Variants in ROR1 observed in about 807,000 individuals in gnomAD.
The protein encoded by ROR1 is inactive tyrosine-protein kinase transmembrane receptor ROR1.
In ROR1, 19 loss-of-function variants were observed where a neutral mutation model predicts 78.8. The observed-to-expected ratio is 0.24, with a 90% CI of 0.17 to 0.35. The LOEUF (loss-of-function observed/expected upper bound fraction) is 0.35. Among genes scored for constraint, ROR1 ranks in the 10% least tolerant of loss-of-function variants. The pLI is 1.00. For synonymous variants in ROR1, 386 were observed against 433.6 expected, an observed-to-expected ratio of 0.89 and a Z score of 1.36; for missense variants, 917 against 1,177.8, an observed-to-expected ratio of 0.78 and a Z score of 3.24.
In ROR1 at chr1:64,180,116, C is replaced by T. The variant is rs181868553; in HGVS notation, c.*1261C>T. On this transcript the variant is annotated 3_prime_UTR_variant, in exon 9 of 9. Transcript: ENST00000371079. ...AACTGAATTCTTTAAACTAGCAAAC[C>T]GAAGTAACATGACCATTTTTGCCTT... is the stretch of plus-strand genomic sequence containing the variant. The T allele has an allele frequency of 5.9e-5, 9 of 152,196 alleles. No individual in the cohort carries two copies. Among genetic ancestry groups the T allele is most frequent in the Admixed American group, 5.2e-4 (8 of 15,282 alleles). The allele number at this position is 152,196 out of a possible 1,614,324, so 9.4% of individuals were successfully genotyped here.
intron 1 of ROR1, among the ~76,000 whole-genome samples, chr1:63,920,772 TTAAGA>T (rs1234143866): frequency 3.9e-5 from 6 of 152,360 alleles, no homozygotes; most frequent in Admixed American, 3.3e-4. Flanking sequence ...TGTCTATTTC[TTAAGA>T]TAAGTTTGCA....
intron 1 of ROR1, among the ~76,000 whole-genome samples, chr1:63,899,656 C>G (rs1055877486): frequency 3.3e-5 from 5 of 151,946 alleles, no homozygotes; most frequent in Non-Finnish European, 5.9e-5. Context: ...ACATTGGCAC[C>G]AGGAAACCTA....
chr1:63,930,604 C>T (rs530182564), intron 1 of ROR1, among the ~76,000 whole-genome samples: 7 of 152,258 alleles, frequency 4.6e-5, no homozygotes, highest in Non-Finnish European at 5.9e-5. Flanking sequence ...GACCTAGGTA[C>T]GACTCCTCTT....
At chr1:64,085,753 A>G (rs954113541) in intron 4 of ROR1, among the ~76,000 whole-genome samples, 1 of 152,184 alleles carries the variant, frequency 6.6e-6, no homozygotes, top group African/African-American at 2.4e-5. Flanking sequence ...GACAGGTTCT[A>G]TAAGGTGCTA....
In ROR1 at chr1:63,774,569, C is replaced by T. The variant is rs606550; in HGVS notation, c.91+61C>T. 0.25 allele frequency: 223,026 copies of T among 907,782 alleles called. 33,321 individuals carry two copies. Among genetic ancestry groups the T allele is most frequent in the African/African-American group, 0.65 (36,142 of 55,238 alleles). 56.2% of individuals were successfully genotyped at this position (907,782 alleles called of 1,614,324 possible). On this transcript the variant is annotated intron_variant, in intron 1 of 8. Coordinates refer to ENST00000371079, the MANE Select transcript of ROR1 (RefSeq NM_005012.4). The surrounding 1 kb of genome is among the most constrained non-coding windows in gnomAD (Gnocchi z 5.7). ...CCCCTGACCCGTGGCCACCCTTCCG[C>T]CGTCCAGCCGGGCGCGGGACACGCA...
intron 1 of ROR1, among the ~76,000 whole-genome samples, chr1:63,906,126 T>C (rs557208040): frequency 1.3e-5 from 2 of 152,316 alleles, no homozygotes; most frequent in South Asian, 2.1e-4. Context: ...TGGGATTGTT[T>C]TGAGGCCTTG....
chr1:64,024,430 G>T (rs751306901), intron 2 of ROR1, among the ~76,000 whole-genome samples: 4 of 152,068 alleles, frequency 2.6e-5, no homozygotes, highest in Non-Finnish European at 5.9e-5. Flanking sequence ...GCAGTGAGCC[G>T]AGATTGCACC....
At chr1:63,968,932 C>G in intron 1 of ROR1, among the ~76,000 whole-genome samples, 1 of 152,208 alleles carries the variant, frequency 6.6e-6, no homozygotes, top group East Asian at 1.9e-4. Flanking sequence ...TAATTTCCCA[C>G]TAAGTGTTTT....
chr1:64,003,641 A>T (rs12083702), intron 1 of ROR1, among the ~76,000 whole-genome samples: 1 of 152,036 alleles, frequency 6.6e-6, no homozygotes, highest in Non-Finnish European at 1.5e-5. Context: ...AGGACCCCAG[A>T]TGTGGGGCAA....
intron 1 of ROR1, among the ~76,000 whole-genome samples, chr1:63,782,504 A>G (rs1004978477): frequency 1.3e-5 from 2 of 151,386 alleles, no homozygotes; most frequent in Non-Finnish European, 2.9e-5. Flanking sequence ...TTTTATGTGA[A>G]CCAAAAACAA....
chr1:63,798,549 G>A (rs1644776675), intron 1 of ROR1, among the ~76,000 whole-genome samples: 1 of 152,140 alleles, frequency 6.6e-6, no homozygotes, highest in Non-Finnish European at 1.5e-5. Flanking sequence ...AGGGTGGTTT[G>A]TTGTCTTGTC....
intron 1 of ROR1, among the ~76,000 whole-genome samples, chr1:63,805,995 G>A (rs1644826023): frequency 6.6e-6 from 1 of 152,166 alleles, no homozygotes; most frequent in South Asian, 2.1e-4. Context: ...CTCAAGGCTG[G>A]GCAACAAAGC....
At chr1:63,786,298 A>G (rs893995268) in intron 1 of ROR1, among the ~76,000 whole-genome samples, 1 of 106,174 alleles carries the variant, frequency 9.4e-6, no homozygotes, top group Non-Finnish European at 1.7e-5. Flanking sequence ...TTTGAGACAG[A>G]GTCTCGCTCT....
intron 1 of ROR1, among the ~76,000 whole-genome samples, chr1:63,966,591 A>G (rs1376889340): frequency 6.6e-6 from 1 of 152,164 alleles, no homozygotes; most frequent in Non-Finnish European, 1.5e-5. Flanking sequence ...TTATGCCCAA[A>G]TGTTTTACCC....
chr1:64,049,846 T>C lies in ROR1; in HGVS notation c.319T>C (p.Phe107Leu). Residue 107 changes from phenylalanine (F) to leucine (L), a missense_variant, in exon 3 of 9, where the codon TTT (phenylalanine) becomes CTT (leucine). Coordinates refer to ENST00000371079, the MANE Select transcript of ROR1 (RefSeq NM_005012.4). Reference protein sequence around the residue: ...PVVQEPRRLSFRSTIYGSRLR... With the variant: ...PVVQEPRRLSLRSTIYGSRLR... ...GGTCCAGGAGCCCCGGAGGCTCTCC[T>C]TTCGGTCCACCATCTATGGCTCTCG... 6.2e-7 allele frequency: 1 copy of C among 1,614,218 alleles called. No individual in the cohort carries two copies. Among genetic ancestry groups the C allele is most frequent in the Middle Eastern group, 1.6e-4 (1 of 6,062 alleles).
intron 2 of ROR1, among the ~76,000 whole-genome samples, chr1:64,014,733 ACGCACAC>A (rs376806971): frequency 0.14 from 3,166 of 22,832 alleles, 957 homozygotes; most frequent in Non-Finnish European, 0.2. Context: ...ATATACACAT[ACGCACAC>A]TATATATATA....
intron 7 of ROR1, 51 bp from the exon 8 acceptor site, chr1:64,158,928 TGC>T: frequency 4.6e-6 from 6 of 1,307,466 alleles, no homozygotes; most frequent in East Asian, 2.3e-5. Flanking sequence ...TGTAATATTA[TGC>T]ATGTTACTTT....
intron 1 of ROR1, among the ~76,000 whole-genome samples, chr1:63,850,257 T>C (rs1645106173): frequency 1.3e-5 from 2 of 152,172 alleles, no homozygotes; most frequent in African/African-American, 2.4e-5. Flanking sequence ...AGTATGCTAT[T>C]GTATGACCAT....
rs114040658 is a variant in ROR1 at position 64,004,423 on chromosome 1, G to T, written c.92-4882G>T. Among the ~76,000 whole-genome samples the T allele has an allele frequency of 8.6e-3, 1,309 of 152,306 alleles. 13 individuals carry two copies. Among genetic ancestry groups the T allele is most frequent in the African/African-American group, 0.03 (1,260 of 41,568 alleles). On this transcript the variant is annotated intron_variant, in intron 1 of 8. Coordinates refer to ENST00000371079, the MANE Select transcript of ROR1 (RefSeq NM_005012.4). ...CTCCAAAAAATCCCATGGATCCAAA[G>T]AATATAATTTGATAAATATGTCTTG... is the stretch of plus-strand genomic sequence containing the variant.
Sources: gnomAD v4.1 joint callset for allele counts (sites outside exome capture counted in the v4.1 genomes callset) on GRCh38, gnomAD v4.1.1 for gene constraint, Gnocchi (gnomAD v3.1) non-coding constraint, MANE v1.5 for transcripts, NCBI Gene and HGNC (gene_info 2026-07-23, HGNC 2026-07-21) for gene names.